Variants in SEMA3A observed in about 807,000 individuals in gnomAD.
SEMA3A encodes the protein semaphorin 3A.
SEMA3A carries 29 observed loss-of-function variants against 97.9 expected under a neutral mutation model. That is an observed-to-expected ratio of 0.30 (90% CI 0.22 to 0.40). SEMA3A has a LOEUF of 0.40. Among genes scored for constraint, SEMA3A ranks in the 10% least tolerant of loss-of-function variants. The probability of loss-of-function intolerance (pLI) is 1.00; values close to 1 mark genes in which losing one functional copy is unlikely to be tolerated. For missense variants in SEMA3A, 763 were observed against 951.3 expected, an observed-to-expected ratio of 0.80 and a Z score of 2.60; for synonymous variants, 321 against 323.7, an observed-to-expected ratio of 0.99 and a Z score of 0.09.
chr7:84,295,691 T>C (rs1482470103), intron 3 of SEMA3A, among the ~76,000 whole-genome samples: 2 of 152,062 alleles, frequency 1.3e-5, no homozygotes, highest in Non-Finnish European at 2.9e-5. Context: ...AACAAATTTG[T>C]AACTATGCCC....
chr7:84,376,325 G>A lies in SEMA3A; in HGVS notation c.-245-4425C>T, dbSNP rs897677527. ...CAACAGTGTATAAGAAGTGTTGGCC[G>A]GGCGCGGTGGCTCACGCCTGTAATC... On this transcript the variant is annotated intron_variant, in intron 1 of 3. Coordinates refer to the SEMA3A transcript ENST00000424555. Among the ~76,000 whole-genome samples the A allele has an allele frequency of 1.7e-3, 201 of 115,522 alleles. 27 individuals carry two copies. The highest frequency in any genetic ancestry group is 6.0e-3 in the African/African-American group (189 of 31,684). 75.8% of individuals were successfully genotyped at this position (115,522 alleles called of 152,430 possible). A position where few individuals can be genotyped will look rare whatever the true frequency, so the allele number is the denominator to read the frequency against.
chr7:84,066,858 A>G (rs1301729817), intron 4 of SEMA3A, among the ~76,000 whole-genome samples: 2 of 152,174 alleles, frequency 1.3e-5, no homozygotes, highest in Admixed American at 6.5e-5. Flanking sequence ...AAGGTAATTT[A>G]CAGATTGAAT....
intron 2 of SEMA3A, among the ~76,000 whole-genome samples, chr7:84,134,292 C>G (rs192999654): frequency 6.6e-6 from 1 of 152,084 alleles, no homozygotes; most frequent in African/African-American, 2.4e-5. Context: ...TTGAATTCTG[C>G]TGTTGTAGCA....
intron 1 of SEMA3A, among the ~76,000 whole-genome samples, chr7:84,380,615 A>G (rs547366517): frequency 1.2e-4 from 19 of 152,338 alleles, no homozygotes; most frequent in African/African-American, 4.3e-4. Context: ...AAGAAAAATT[A>G]ACAGAAAGTT....
At chr7:84,067,509 T>C (rs1358346865) in intron 4 of SEMA3A, among the ~76,000 whole-genome samples, 3 of 151,564 alleles carry the variant, frequency 2.0e-5, no homozygotes, top group Non-Finnish European at 4.4e-5. Context: ...GAGAAAATTT[T>C]CGCAACCTAC....
intron 2 of SEMA3A, among the ~76,000 whole-genome samples, chr7:84,334,716 G>A (rs1466130413): frequency 3.9e-5 from 5 of 127,324 alleles, no homozygotes; most frequent in Non-Finnish European, 8.0e-5. Flanking sequence ...CTTTCCACTT[G>A]CCCCCCTGCT....
chr7:84,102,694 C>T (rs889608762), intron 4 of SEMA3A, among the ~76,000 whole-genome samples: 4 of 149,614 alleles, frequency 2.7e-5, no homozygotes, highest in Non-Finnish European at 5.9e-5. Context: ...AATTCTCCTG[C>T]CTCAGCCACC....
At chr7:84,148,138 C>T (rs937730606) in intron 1 of SEMA3A, among the ~76,000 whole-genome samples, 2 of 152,062 alleles carry the variant, frequency 1.3e-5, no homozygotes, top group East Asian at 3.9e-4. Context: ...TGGTCTCGAA[C>T]CCCTGACCTC....
rs189434413 is a variant in SEMA3A at position 84,203,477 on chromosome 7, G to A, written c.-82-8809C>T. On this transcript the variant is annotated intron_variant, in intron 3 of 3. Transcript: ENST00000424555. ...GAAATCTCCTAGTTTTAACAGTTTTGTAGAAAGTATTTCTTTGTGTGTGTG... is the reference window on the plus strand; with the variant it reads ...GAAATCTCCTAGTTTTAACAGTTTTATAGAAAGTATTTCTTTGTGTGTGTG... Among the ~76,000 whole-genome samples the A allele has an allele frequency of 4.9e-3, 517 of 106,334 alleles. 3 individuals are homozygous for A. Among genetic ancestry groups the A allele is most frequent in the Non-Finnish European group, 7.9e-3 (412 of 52,116 alleles). 69.8% of individuals were successfully genotyped at this position (106,334 alleles called of 152,430 possible).
intron 2 of SEMA3A, among the ~76,000 whole-genome samples, chr7:84,346,450 C>T (rs1257843584): frequency 6.6e-6 from 1 of 152,090 alleles, no homozygotes; most frequent in East Asian, 1.9e-4. Flanking sequence ...TTATTTATAG[C>T]TTTTTATTTA....
chr7:84,445,088 T>G (rs1429183365), intron 1 of SEMA3A, among the ~76,000 whole-genome samples: 2 of 152,166 alleles, frequency 1.3e-5, no homozygotes, highest in African/African-American at 4.8e-5. Context: ...AATTTTTTTC[T>G]GATGCAAATA....
chr7:84,113,517 G>A (rs954556487), intron 3 of SEMA3A, among the ~76,000 whole-genome samples: 10 of 152,142 alleles, frequency 6.6e-5, no homozygotes, highest in Non-Finnish European at 1.2e-4. Flanking sequence ...ACCTTTTCTT[G>A]AACCATGACG....
chr7:84,134,947 C>T lies in SEMA3A; in HGVS notation c.117G>A (p.Met39Ile). 6.2e-7 allele frequency: 1 copy of T among 1,612,022 alleles called. No individual in the cohort carries two copies. The highest frequency in any genetic ancestry group is 8.5e-7 in the Non-Finnish European group (1 of 1,179,350). ...AAGTGATCACATTGTTGGATTCCAA[C>T]ATTTCTGCAAGGTAACAAAGCAAAA... ...VPRLKLSYKE[M>I]LESNNVITFN... Residue 39 changes from methionine (M) to isoleucine (I), a missense_variant, in exon 2 of 17, where the codon ATG (methionine) becomes ATA (isoleucine). Around this residue, in one of 2 missense-constraint regions of SEMA3A, gnomAD observed 85 missense variants for 70.0 expected, o/e 1.21. Transcript: ENST00000265362.
intron 1 of SEMA3A, among the ~76,000 whole-genome samples, chr7:84,150,991 A>T (rs1017206068): frequency 6.7e-6 from 1 of 148,670 alleles, no homozygotes; most frequent in South Asian, 2.2e-4. Flanking sequence ...CTGACACCTC[A>T]CACTGCAGGG....
At chr7:84,062,594 T>C (rs928023179) in intron 4 of SEMA3A, among the ~76,000 whole-genome samples, 3 of 152,190 alleles carry the variant, frequency 2.0e-5, no homozygotes, top group Non-Finnish European at 2.9e-5. Context: ...GGGCGAGGCA[T>C]TGCCTCACTT....
chr7:84,110,656 T>C, intron 3 of SEMA3A, 67 bp from the exon 4 acceptor site: 1 of 1,530,012 alleles, frequency 6.5e-7, no homozygotes, highest in South Asian at 1.3e-5. Flanking sequence ...TCTAGGGTGC[T>C]AGGCATGCTG....
At chr7:84,362,426 A>G (rs1484909979) in intron 2 of SEMA3A, among the ~76,000 whole-genome samples, 6 of 152,072 alleles carry the variant, frequency 3.9e-5, no homozygotes, top group African/African-American at 7.2e-5. Flanking sequence ...TTTCATCGTC[A>G]ATATTGGAAG....
chr7:84,193,110 C>G (rs1047231204), intron 1 of SEMA3A, among the ~76,000 whole-genome samples: 7 of 151,944 alleles, frequency 4.6e-5, no homozygotes, highest in Non-Finnish European at 1.0e-4. Flanking sequence ...GTTTAAGTCT[C>G]TATTCCCAAC....
At chr7:84,430,789 TTGTGTGTGTGTGTGTG>T (rs56814153) in intron 1 of SEMA3A, among the ~76,000 whole-genome samples, 16,885 of 143,372 alleles carry the variant, frequency 0.12, 1,178 homozygotes, top group East Asian at 0.28. Flanking sequence ...AACATAAAAT[TTGTGTGTGTGTGTGTG>T]TGTGTGTGTG....
Sources: allele counts gnomAD v4.1 joint callset (sites outside exome capture counted in the v4.1 genomes callset), GRCh38; gene constraint gnomAD v4.1.1; regional missense constraint gnomAD v4.1.1; transcripts MANE v1.5; gene names NCBI Gene and HGNC (gene_info 2026-07-23, HGNC 2026-07-21).